TARS3: variants seen among roughly 807,000 people sequenced by gnomAD.
TARS3 encodes threonyl-tRNA synthetase 3.
Under a neutral mutation model 103.5 loss-of-function variants are expected in TARS3, and 94 were observed. The ratio of observed to expected loss-of-function variants is 0.91; its 90% CI spans 0.77 to 1.08. The LOEUF (loss-of-function observed/expected upper bound fraction) is 1.08. Ranked by LOEUF, TARS3 falls within the 50% of genes least tolerant of loss-of-function variation. The pLI is 0.00. For missense variants in TARS3, 952 were observed against 995.2 expected, an observed-to-expected ratio of 0.96 and a Z score of 0.58; for synonymous variants, 416 against 355.4, an observed-to-expected ratio of 1.17 and a Z score of -1.92.
At chr15:101,671,913 A>T (rs1320683944) in intron 13 of TARS3, among the ~76,000 whole-genome samples, 165 bp from the exon 14 acceptor site, 1 of 152,190 alleles carries the variant, frequency 6.6e-6, no homozygotes, top group African/African-American at 2.4e-5. Flanking sequence ...GACTACACAG[A>T]GATGATTAAG....
chr15:101,659,769 C>T lies in TARS3; in HGVS notation c.2073-1912G>A, dbSNP rs185025025. The stretch of plus-strand genomic sequence containing the variant: ...TACTCAGGCGGCATACATATTCATA[C>T]CCATACTTTTGGCTTAACTGTAACT... On this transcript the variant is annotated intron_variant, in intron 16 of 18. Transcript: ENST00000335968. 1.1e-3 allele frequency among the ~76,000 whole-genome samples: 169 copies of T among 152,332 alleles called. 1 individual carries two copies. The highest frequency in any genetic ancestry group is 1.9e-3 in the East Asian group (10 of 5,186).
At chr15:101,710,083 A>C (rs1899783956) in intron 5 of TARS3, among the ~76,000 whole-genome samples, 1 of 152,226 alleles carries the variant, frequency 6.6e-6, no homozygotes, top group South Asian at 2.1e-4. Flanking sequence ...TTGGGTTATC[A>C]CCAAAGGTCA....
chr15:101,685,648 CAT>C (rs1355006861), intron 11 of TARS3, among the ~76,000 whole-genome samples: 6 of 152,150 alleles, frequency 3.9e-5, no homozygotes, highest in Admixed American at 3.9e-4. Context: ...AAAATTGACA[CAT>C]AACATTATCC....
At chr15:101,700,240 A>G (rs1349767428) in intron 10 of TARS3, among the ~76,000 whole-genome samples, 1 of 152,188 alleles carries the variant, frequency 6.6e-6, no homozygotes, top group Non-Finnish European at 1.5e-5. Context: ...ATCACCTGTG[A>G]ACACTATCTA....
intron 5 of TARS3, among the ~76,000 whole-genome samples, chr15:101,709,688 C>G (rs1328585474): frequency 1.3e-5 from 2 of 152,212 alleles, no homozygotes; most frequent in Non-Finnish European, 2.9e-5. Context: ...TTCCCCCAAA[C>G]ACTGTTAGCT....
intron 10 of TARS3, among the ~76,000 whole-genome samples, chr15:101,695,591 T>C (rs1229614763): frequency 1.3e-5 from 2 of 149,344 alleles, no homozygotes; most frequent in Non-Finnish European, 3.0e-5. Context: ...GGGCATATGT[T>C]TTTATTTATC....
At chr15:101,703,662 T>C (rs1299191911) in intron 8 of TARS3, among the ~76,000 whole-genome samples, 197 bp downstream of exon 8, 1 of 152,164 alleles carries the variant, frequency 6.6e-6, no homozygotes, top group African/African-American at 2.4e-5. Flanking sequence ...GGTAAAATGA[T>C]AAACAAAAGC....
At chr15:101,682,122 T>C (rs1043864950) in intron 12 of TARS3, among the ~76,000 whole-genome samples, 8 of 152,206 alleles carry the variant, frequency 5.3e-5, no homozygotes, top group African/African-American at 1.9e-4. Flanking sequence ...TGTTTTTTAT[T>C]TCTCTTTCTT....
intron 13 of TARS3, 140 bp from the exon 14 acceptor site, chr15:101,671,888 A>T: frequency 1.4e-6 from 1 of 714,918 alleles, no homozygotes; most frequent in Non-Finnish European, 2.3e-6. Flanking sequence ...TACATTCAAT[A>T]AACTATTGAG....
intron 2 of TARS3, among the ~76,000 whole-genome samples, chr15:101,721,620 G>C (rs148843378): frequency 6.6e-6 from 1 of 152,154 alleles, no homozygotes; most frequent in Non-Finnish European, 1.5e-5. Flanking sequence ...TCGGCCACCC[G>C]AGTAGCTGGG....
At chr15:101,661,086 G>GCCAAAAGGACCACAGGATGCACCACT (rs1897356758) in intron 16 of TARS3, among the ~76,000 whole-genome samples, 1 of 36,304 alleles carries the variant, frequency 2.8e-5, no homozygotes, top group African/African-American at 1.1e-4. Flanking sequence ...TTCCTTCCGG[G>GCCAAAAGGACCACAGGATGCACCACT]CAAAAAGGAC....
intron 10 of TARS3, among the ~76,000 whole-genome samples, chr15:101,698,172 TA>T (rs1899075002): frequency 6.6e-6 from 1 of 151,760 alleles, no homozygotes; most frequent in African/African-American, 2.4e-5. Context: ...CTGTCTCTAC[TA>T]AAAATACAAA....
intron 3 of TARS3, among the ~76,000 whole-genome samples, chr15:101,715,392 C>T (rs1420012477): frequency 2.6e-5 from 4 of 151,960 alleles, no homozygotes; most frequent in Admixed American, 2.0e-4. Flanking sequence ...GTGATCCGCC[C>T]GCCTCGGCCT....
intron 8 of TARS3, 88 bp from the exon 9 acceptor site, chr15:101,702,473 T>C: frequency 8.6e-7 from 1 of 1,160,302 alleles, no homozygotes; most frequent in East Asian, 2.4e-5. Flanking sequence ...TTTTCCACTA[T>C]CATATCAACA....
intron 16 of TARS3, 57 bp from the exon 17 acceptor site, chr15:101,657,914 A>C: frequency 9.1e-7 from 1 of 1,102,804 alleles, no homozygotes; most frequent in Non-Finnish European, 1.3e-6. Context: ...TACTTATTAC[A>C]TGATTTTCAA....
At position 101,721,147 on chromosome 15, in the gene TARS3, T is replaced by C. The variant is rs1312031164; in HGVS notation, c.545A>G (p.Tyr182Cys). 5 of 1,597,234 alleles carry C rather than the reference T, an allele frequency of 3.1e-6. No homozygotes were observed. Among genetic ancestry groups the C allele is most frequent in the African/African-American group, 1.3e-5 (1 of 74,688 alleles). Reference sequence around the variant, plus strand: ...TTACCTAATTTCAGCAGCCACTTGGTAAGGCGTTGTTTTCCAGACTTCCCC... The same window carrying C: ...TTACCTAATTTCAGCAGCCACTTGGCAAGGCGTTGTTTTCCAGACTTCCCC... ...VQGEVWKTTP[Y>C]QVAAEISQEL... is the part of the protein sequence containing the mutation. Residue 182 changes from tyrosine (Y) to cysteine (C), a missense_variant, in exon 3 of 19, where the codon TAC becomes TGC. Physicochemically the swap from Tyr to Cys is radical, Grantham distance 194. Transcript: ENST00000335968.
chr15:101,656,879 G>A (rs1415350185), intron 18 of TARS3, 43 bp downstream of exon 18: 4 of 1,255,996 alleles, frequency 3.2e-6, no homozygotes, highest in Middle Eastern at 1.9e-4. Flanking sequence ...AATTGAAGTG[G>A]GAAAAAAAAG....
intron 16 of TARS3, among the ~76,000 whole-genome samples, chr15:101,661,061 T>C (rs912479795): frequency 2.1e-5 from 2 of 97,308 alleles, no homozygotes; most frequent in Non-Finnish European, 4.6e-5. Context: ...TGTAACTCCT[T>C]ATCTCCGGCC....
chr15:101,670,313 A>T (rs1471633386), intron 15 of TARS3, among the ~76,000 whole-genome samples: 1 of 152,216 alleles, frequency 6.6e-6, no homozygotes, highest in African/African-American at 2.4e-5. Flanking sequence ...AATTCTCAAA[A>T]CTCAACAGTA....
Sources: gnomAD v4.1 joint callset for allele counts (sites outside exome capture counted in the v4.1 genomes callset) on GRCh38, gnomAD v4.1.1 for gene constraint, MANE v1.5 for transcripts, NCBI Gene and HGNC (gene_info 2026-07-23, HGNC 2026-07-21) for gene names.